The following TMED3 variants were observed in gnomAD, a reference collection of about 807,000 sequenced individuals.
TMED3 encodes the protein transmembrane p24 trafficking protein 3.
Under a neutral mutation model 15.0 loss-of-function variants are expected in TMED3, and 9 were observed. The ratio of observed to expected loss-of-function variants is 0.60; its 90% CI spans 0.36 to 1.04. The LOEUF (loss-of-function observed/expected upper bound fraction) is 1.04. Among genes scored for constraint, TMED3 ranks in the 50% least tolerant of loss-of-function variants. The pLI, the probability that TMED3 is intolerant of heterozygous loss-of-function variation, is 0.01. For synonymous variants in TMED3, 117 were observed against 121.4 expected, an observed-to-expected ratio of 0.96 and a Z score of 0.24; for missense variants, 267 against 278.9, an observed-to-expected ratio of 0.96 and a Z score of 0.30.
At chr15:79,375,949 A>G (rs919158280) in intron 2 of TMED3, among the ~76,000 whole-genome samples, 1 of 152,176 alleles carries the variant, frequency 6.6e-6, no homozygotes, top group African/African-American at 2.4e-5. Context: ...AAGGGCAAAA[A>G]TATGGCAGCC....
intron 2 of TMED3, among the ~76,000 whole-genome samples, chr15:79,340,814 A>G (rs1290025807): frequency 6.6e-6 from 1 of 152,228 alleles, no homozygotes; most frequent in African/African-American, 2.4e-5. Flanking sequence ...TCACTAATTC[A>G]TACATCCATT....
chr15:79,335,477 T>TA (rs2058824015), intron 2 of TMED3, among the ~76,000 whole-genome samples: 2 of 152,270 alleles, frequency 1.3e-5, no homozygotes, highest in South Asian at 4.1e-4. Flanking sequence ...AGGGAAATGA[T>TA]ACACTGCTAA....
chr15:79,364,656 T>C (rs543812780), intron 2 of TMED3, among the ~76,000 whole-genome samples: 1 of 151,400 alleles, frequency 6.6e-6, no homozygotes, highest in East Asian at 2.0e-4. Flanking sequence ...AGATGAATGG[T>C]GGAACGACAC....
intron 2 of TMED3, among the ~76,000 whole-genome samples, chr15:79,339,982 C>T (rs567013650): frequency 1.3e-5 from 2 of 152,078 alleles, no homozygotes; most frequent in South Asian, 4.2e-4. Context: ...ACACCACACA[C>T]ACACTACTGC....
At chr15:79,349,518 A>C (rs1376330118) in intron 2 of TMED3, among the ~76,000 whole-genome samples, 2 of 152,176 alleles carry the variant, frequency 1.3e-5, no homozygotes, top group African/African-American at 4.8e-5. Context: ...TGCAGTAAAA[A>C]AACAAATAAA....
chr15:79,408,366 A>G lies in TMED3; in HGVS notation c.418-3034A>G, dbSNP rs114970126. On this transcript the variant is annotated intron_variant, in intron 2 of 2. Coordinates refer to the TMED3 transcript ENST00000424155. Reference sequence around the variant, plus strand: ...TATGAGTCACCCATAGGCTTTTCAGAGACCTATAGCATCTATGATCTGAGT... The same window carrying G: ...TATGAGTCACCCATAGGCTTTTCAGGGACCTATAGCATCTATGATCTGAGT... 3.8e-3 allele frequency among the ~76,000 whole-genome samples: 576 copies of G among 152,318 alleles called. 4 individuals carry two copies. Among genetic ancestry groups the G allele is most frequent in the African/African-American group, 0.013 (555 of 41,558 alleles).
intron 2 of TMED3, among the ~76,000 whole-genome samples, chr15:79,315,431 T>C (rs2058736441): frequency 6.6e-6 from 1 of 152,210 alleles, no homozygotes; most frequent in Admixed American, 6.5e-5. Context: ...AGGGTGTGTA[T>C]TGTGTGTAAG....
intron 2 of TMED3, among the ~76,000 whole-genome samples, chr15:79,378,959 CATT>C (rs1362223213): frequency 6.6e-6 from 1 of 152,156 alleles, no homozygotes; most frequent in African/African-American, 2.4e-5. Context: ...ACTTATCTAT[CATT>C]ATCAGTTGAT....
In TMED3 at chr15:79,385,977, T is replaced by A. The variant is rs1595908093; in HGVS notation, c.418-25423T>A. Among the ~76,000 whole-genome samples the A allele has an allele frequency of 2.0e-5, 3 of 152,322 alleles. No homozygotes were observed. In the East Asian group the frequency reaches 5.8e-4, roughly 29 times the overall value. The stretch of plus-strand genomic sequence containing the variant: ...TCCACCAGAATCCACAGTCTTCATT[T>A]AACCCCCATGTTCTACAACACTAGA... On this transcript the variant is annotated intron_variant, in intron 2 of 2. Coordinates refer to the TMED3 transcript ENST00000424155.
intron 2 of TMED3, among the ~76,000 whole-genome samples, chr15:79,396,523 G>T (rs143277600): frequency 6.6e-6 from 1 of 152,180 alleles, no homozygotes; most frequent in Non-Finnish European, 1.5e-5. Flanking sequence ...TTTCCTCAAC[G>T]CATGGTAATC....
At chr15:79,383,986 G>A (rs1423813659) in intron 2 of TMED3, 1 of 152,208 alleles carries the variant, frequency 6.6e-6, no homozygotes, top group Non-Finnish European at 1.5e-5. Flanking sequence ...GCCCAGAGAA[G>A]AGATCGGAGA....
chr15:79,391,761 G>A (rs865933960), intron 2 of TMED3, among the ~76,000 whole-genome samples: 4 of 152,024 alleles, frequency 2.6e-5, no homozygotes, highest in South Asian at 2.1e-4. Flanking sequence ...ATTTCGGAGC[G>A]CCAGTGTTTG....
chr15:79,330,465 T>C (rs1053873867), intron 2 of TMED3, among the ~76,000 whole-genome samples: 1 of 152,148 alleles, frequency 6.6e-6, no homozygotes, highest in Non-Finnish European at 1.5e-5. Flanking sequence ...TACCTAGGTA[T>C]AAATTTAACC....
intron 2 of TMED3, among the ~76,000 whole-genome samples, chr15:79,399,792 C>T (rs541758407): frequency 6.6e-6 from 1 of 152,306 alleles, no homozygotes; most frequent in South Asian, 2.1e-4. Flanking sequence ...TGAGAATTGT[C>T]AAGTGTAATC....
At chr15:79,336,494 C>G (rs986929580) in intron 2 of TMED3, among the ~76,000 whole-genome samples, 1 of 152,100 alleles carries the variant, frequency 6.6e-6, no homozygotes, top group Non-Finnish European at 1.5e-5. Flanking sequence ...CCTGCCTCTA[C>G]TAAAAATACA....
chr15:79,361,233 A>G (rs563049086), intron 2 of TMED3, among the ~76,000 whole-genome samples: 3 of 152,332 alleles, frequency 2.0e-5, no homozygotes, highest in South Asian at 2.1e-4. Context: ...GGTGGTGTGG[A>G]TTACAGAAGA....
intron 2 of TMED3, among the ~76,000 whole-genome samples, chr15:79,365,873 G>A (rs1893220656): frequency 2.0e-5 from 3 of 152,156 alleles, no homozygotes; most frequent in Admixed American, 1.3e-4. Flanking sequence ...CCATATCTGA[G>A]GTCTGTGTGC....
intron 2 of TMED3, among the ~76,000 whole-genome samples, chr15:79,344,708 C>T (rs1471486161): frequency 6.6e-6 from 1 of 152,146 alleles, no homozygotes; most frequent in Non-Finnish European, 1.5e-5. Flanking sequence ...CTCATTCAAC[C>T]CAGAGGGCCA....
At chr15:79,365,377 T>C (rs1462630819) in intron 2 of TMED3, among the ~76,000 whole-genome samples, 1 of 152,184 alleles carries the variant, frequency 6.6e-6, no homozygotes, top group Non-Finnish European at 1.5e-5. Context: ...GGAAGAAATT[T>C]AGAACAAAGA....
Sources: gnomAD v4.1 joint callset for allele counts (sites outside exome capture counted in the v4.1 genomes callset) on GRCh38, gnomAD v4.1.1 for gene constraint, MANE v1.5 for transcripts, NCBI Gene and HGNC (gene_info 2026-07-23, HGNC 2026-07-21) for gene names.